The following TFCP2 variants were observed in gnomAD, a reference collection of about 807,000 sequenced individuals.
TFCP2 encodes alpha-globin transcription factor CP2.
Under a neutral mutation model 73.4 loss-of-function variants are expected in TFCP2, and 33 were observed. The observed-to-expected ratio is 0.45, with a 90% CI of 0.34 to 0.60. The LOEUF (loss-of-function observed/expected upper bound fraction) is 0.60, where lower values mean the gene tolerates loss of function less well. Ranked by LOEUF, TFCP2 falls within the 20% of genes least tolerant of loss-of-function variation. The pLI, the probability that TFCP2 is intolerant of heterozygous loss-of-function variation, is 0.01. For synonymous variants in TFCP2, 193 were observed against 211.6 expected (o/e 0.91, Z 0.76); for missense variants, 352 against 604.0 (o/e 0.58, Z 4.37).
intron 1 of TFCP2, chr12:51,125,517 G>GT (rs1940791657): frequency 5.6e-6 from 2 of 354,814 alleles, no homozygotes; most frequent in African/African-American, 4.3e-5. Context: ...GTAAGAAAAA[G>GT]TAACTAATTG....
chr12:51,149,674 A>T (rs1941380895), intron 1 of TFCP2, among the ~76,000 whole-genome samples: 1 of 152,084 alleles, frequency 6.6e-6, no homozygotes, highest in African/African-American at 2.4e-5. Context: ...ATCTTTGCTC[A>T]CTGCAATCTC....
rs750146533 is a variant in TFCP2 at position 51,106,532 on chromosome 12, C to T, written c.910G>A (p.Gly304Arg). Residue 304 changes from glycine to arginine, a missense_variant, in exon 8 of 15, where the codon GGG (glycine) becomes AGG (arginine). By Grantham distance (125) the Gly-to-Arg change is moderately radical (BLOSUM62 -2). This residue lies in a region of TFCP2 where 194 missense variants were observed against 256.3 expected (regional missense o/e 0.76). Transcript: ENST00000257915. Reference protein sequence around the residue: ...FNSSHSSFSLGEGNGSPNHQP... With the variant: ...FNSSHSSFSLREGNGSPNHQP... ...TTTATTTCCCAGACTTACCCTTCCC[C>T]AAGAGAAAAACTGCTATGGGAACTG... 6 of 1,611,524 alleles carry T rather than the reference C, an allele frequency of 3.7e-6. No individual in the cohort carries two copies. Among genetic ancestry groups the T allele is most frequent in the Non-Finnish European group, 5.1e-6 (6 of 1,179,070 alleles).
intron 1 of TFCP2, among the ~76,000 whole-genome samples, chr12:51,137,813 A>C (rs1461401052): frequency 6.6e-6 from 1 of 152,156 alleles, no homozygotes; most frequent in Non-Finnish European, 1.5e-5. Context: ...AAACACCAAC[A>C]GTTTTGTTTT....
At chr12:51,099,266 G>A (rs1465232763) in intron 12 of TFCP2, among the ~76,000 whole-genome samples, 1 of 151,998 alleles carries the variant, frequency 6.6e-6, no homozygotes, top group Non-Finnish European at 1.5e-5. Flanking sequence ...CAGGGAGATC[G>A]CTTGAGCCCA....
At chr12:51,097,832 A>G (rs1940004697) in intron 13 of TFCP2, among the ~76,000 whole-genome samples, 2 of 151,510 alleles carry the variant, frequency 1.3e-5, no homozygotes, top group Admixed American at 1.3e-4. Flanking sequence ...GACTGGCCAC[A>G]TGGTGAAACC....
At chr12:51,165,229 C>T (rs1941731931) in intron 1 of TFCP2, among the ~76,000 whole-genome samples, 1 of 151,882 alleles carries the variant, frequency 6.6e-6, no homozygotes, top group African/African-American at 2.4e-5. Context: ...AACCAATATC[C>T]CATATGAATA....
intron 1 of TFCP2, among the ~76,000 whole-genome samples, chr12:51,167,960 C>T (rs1182405340): frequency 6.6e-6 from 1 of 152,054 alleles, no homozygotes; most frequent in African/African-American, 2.4e-5. Context: ...AGTCAGGAGG[C>T]TGCAGCAGGA....
chr12:51,171,094 T>C (rs1941851380), intron 1 of TFCP2, among the ~76,000 whole-genome samples: 1 of 152,146 alleles, frequency 6.6e-6, no homozygotes, highest in South Asian at 2.1e-4. Flanking sequence ...GAATGAAAAA[T>C]GCATCTACTT....
At chr12:51,132,357 C>CTTTTTTTTTTTATTTTTTTTTT in intron 1 of TFCP2, among the ~76,000 whole-genome samples, 1 of 61,790 alleles carries the variant, frequency 1.6e-5, no homozygotes. Context: ...AGGGATTAGT[C>CTTTTTTTTTTTATTTTTTTTTT]TTTTTTTTTT....
chr12:51,113,430 C>T (rs1940447160), intron 4 of TFCP2, among the ~76,000 whole-genome samples: 1 of 152,180 alleles, frequency 6.6e-6, no homozygotes, highest in Non-Finnish European at 1.5e-5. Flanking sequence ...CGTGGGAAGA[C>T]ACAACTTAAC....
At position 51,094,973 on chromosome 12, in the gene TFCP2, T is replaced by G; in HGVS notation, c.*268A>C. On this transcript the variant is annotated 3_prime_UTR_variant, in exon 15 of 15. Coordinates refer to ENST00000257915, the MANE Select transcript of TFCP2 (RefSeq NM_005653.5). ...TACATACACTCTAAATTATGTAGAG[T>G]TTCTACTGATATTTAACAACAACAA... 1 of 483,220 alleles carries G rather than the reference T, an allele frequency of 2.1e-6. No individual in the cohort carries two copies. 29.9% of individuals were successfully genotyped at this position (483,220 alleles called of 1,614,324 possible). A position where few individuals can be genotyped will look rare whatever the true frequency, so the allele number is the denominator to read the frequency against.
At chr12:51,112,741 C>A (rs1370353694) in intron 4 of TFCP2, among the ~76,000 whole-genome samples, 1 of 151,934 alleles carries the variant, frequency 6.6e-6, no homozygotes, top group Non-Finnish European at 1.5e-5. Context: ...GTTGTGGATG[C>A]CTATAATCCC....
rs980403047 is a variant in TFCP2 at position 51,159,537 on chromosome 12, C to T, written c.122+12764G>A. On this transcript the variant is annotated intron_variant, in intron 1 of 14. Transcript: ENST00000257915. Reference sequence around the variant, plus strand: ...TATTTTTAGTAGAGACGGGGTTTCACCACATTGGCGAGGCTGGTCTCGAAC... The same window carrying T: ...TATTTTTAGTAGAGACGGGGTTTCATCACATTGGCGAGGCTGGTCTCGAAC... Among the ~76,000 whole-genome samples the T allele has an allele frequency of 2.0e-5, 3 of 151,976 alleles. 1 individual carries two copies. Among genetic ancestry groups the T allele is most frequent in the Admixed American group, 2.0e-4 (3 of 15,246 alleles).
chr12:51,124,629 C>A, intron 1 of TFCP2: 1 of 549,986 alleles, frequency 1.8e-6, no homozygotes, highest in South Asian at 1.5e-5. Context: ...GCAGGTAGGT[C>A]ATGTTCCGAG....
intron 11 of TFCP2, among the ~76,000 whole-genome samples, chr12:51,100,725 G>A (rs1468307276): frequency 6.6e-6 from 1 of 152,140 alleles, no homozygotes; most frequent in Non-Finnish European, 1.5e-5. Context: ...TAGGCAGGAG[G>A]ATGGCTTGAG....
chr12:51,122,750 A>G (rs1566211172), intron 1 of TFCP2, among the ~76,000 whole-genome samples: 1 of 152,168 alleles, frequency 6.6e-6, no homozygotes, highest in Non-Finnish European at 1.5e-5. Flanking sequence ...CAACTGTAGA[A>G]ACATAGAGTT....
At chr12:51,102,834 A>T (rs987614783) in intron 10 of TFCP2, among the ~76,000 whole-genome samples, 4 of 152,088 alleles carry the variant, frequency 2.6e-5, no homozygotes, top group Non-Finnish European at 5.9e-5. Context: ...CTTATCTACA[A>T]AATCACAACT....
intron 1 of TFCP2, among the ~76,000 whole-genome samples, chr12:51,151,236 T>C (rs1214706194): frequency 2.0e-5 from 3 of 152,114 alleles, no homozygotes; most frequent in Non-Finnish European, 4.4e-5. Context: ...GAGCAGACCA[T>C]ATGGATCCTT....
At chr12:51,115,139 T>TGA (rs1940500401) in intron 4 of TFCP2, among the ~76,000 whole-genome samples, 1 of 115,290 alleles carries the variant, frequency 8.7e-6, no homozygotes, top group Non-Finnish European at 1.9e-5. Context: ...TTTTTTTTTT[T>TGA]GAGAGAGTCT....
Sources: gnomAD v4.1 joint callset for allele counts (sites outside exome capture counted in the v4.1 genomes callset) on GRCh38, gnomAD v4.1.1 for gene constraint, gnomAD v4.1.1 regional missense constraint, MANE v1.5 for transcripts, NCBI Gene and HGNC (gene_info 2026-07-23, HGNC 2026-07-21) for gene names.